The following RBMS3 variants were observed in gnomAD, a reference collection of about 807,000 sequenced individuals.
The protein encoded by RBMS3 is RNA binding motif single stranded interacting protein 3, also known as RNA-binding motif, single-stranded-interacting protein 3.
A neutral mutation model predicts 66.8 loss-of-function variants in RBMS3; 27 were observed. The ratio of observed to expected loss-of-function variants is 0.40; its 90% CI spans 0.30 to 0.56. The LOEUF (loss-of-function observed/expected upper bound fraction) is 0.56. Among genes scored for constraint, RBMS3 ranks in the 20% least tolerant of loss-of-function variants. The pLI is 0.40. For missense variants in RBMS3, 513 were observed against 549.5 expected (o/e 0.93, Z 0.66); for synonymous variants, 188 against 183.0 (o/e 1.03, Z -0.22).
chr3:29,537,079 T>G (rs2149003762), intron 3 of RBMS3, among the ~76,000 whole-genome samples: 1 of 152,330 alleles, frequency 6.6e-6, no homozygotes, highest in South Asian at 2.1e-4. Flanking sequence ...ATTTCCAAAC[T>G]GATTTTTTCA....
Position 29,580,560 on chromosome 3 carries a change from A to G in RBMS3, c.308-6554A>G, listed in dbSNP as rs200721564. On this transcript the variant is annotated intron_variant, in intron 3 of 14. Coordinates refer to ENST00000383767, the MANE Select transcript of RBMS3 (RefSeq NM_001003793.3). ...CATAAACTCCACTGCATTTAAATTTATTTATCAACTCTACTAGACAATAAA... is the reference window on the plus strand; with the variant it reads ...CATAAACTCCACTGCATTTAAATTTGTTTATCAACTCTACTAGACAATAAA... Among the ~76,000 whole-genome samples the G allele has an allele frequency of 5.9e-5, 9 of 152,052 alleles. No individual in the cohort carries two copies. The East Asian group carries it at 1.5e-3, about 26-fold the overall frequency.
chr3:29,400,933 G>T (rs1216303372), intron 1 of RBMS3, among the ~76,000 whole-genome samples: 2 of 151,836 alleles, frequency 1.3e-5, no homozygotes, highest in Non-Finnish European at 2.9e-5. Context: ...GAGAATAAAA[G>T]AATATTGAGG....
chr3:29,407,832 G>A (rs1286724199), intron 1 of RBMS3, among the ~76,000 whole-genome samples: 2 of 152,058 alleles, frequency 1.3e-5, no homozygotes, highest in Non-Finnish European at 2.9e-5. Context: ...TAATATTTTT[G>A]TGCATAAATA....
At position 29,355,751 on chromosome 3, in the gene RBMS3, T is replaced by C. The variant is rs796841045; in HGVS notation, c.75+73995T>C. Among the ~76,000 whole-genome samples the C allele has an allele frequency of 1.4e-4, 22 of 152,240 alleles. 1 individual carries two copies. The highest frequency in any genetic ancestry group is 5.1e-4 in the African/African-American group (21 of 41,568). ...CATTGAGTGTATAGTACTTCCTTTT[T>C]TTCCCCCACAAAGAAAAAATCATAG... is the stretch of plus-strand genomic sequence containing the variant. On this transcript the variant is annotated intron_variant, in intron 1 of 14. Coordinates refer to ENST00000383767, the MANE Select transcript of RBMS3 (RefSeq NM_001003793.3).
At position 29,521,213 on chromosome 3, in the gene RBMS3, G is replaced by T. The variant is rs548235354; in HGVS notation, c.307+32714G>T. On this transcript the variant is annotated intron_variant, in intron 3 of 14. Transcript: ENST00000383767. ...CCCAGAAAAGCTTCATGATGGCAAA[G>T]TTGTTCACTGCAGTATCTTCATAAC... Among the ~76,000 whole-genome samples, 17 of 152,188 alleles carry T rather than the reference G, an allele frequency of 1.1e-4. No homozygotes were observed. The East Asian group carries it at 2.9e-3, about 26-fold the overall frequency.
intron 4 of RBMS3, among the ~76,000 whole-genome samples, chr3:29,645,035 A>G (rs553444161): frequency 6.6e-6 from 1 of 152,354 alleles, no homozygotes; most frequent in East Asian, 1.9e-4. Context: ...ATGGTATAGC[A>G]AAGACTTTTA....
At chr3:29,349,602 T>C (rs2036783651) in intron 1 of RBMS3, among the ~76,000 whole-genome samples, 1 of 152,210 alleles carries the variant, frequency 6.6e-6, no homozygotes. Context: ...CTTCCTGGTT[T>C]CATTGGTTTG....
chr3:29,318,313 T>A (rs1045710045), intron 1 of RBMS3, among the ~76,000 whole-genome samples: 2 of 151,878 alleles, frequency 1.3e-5, no homozygotes, highest in African/African-American at 4.8e-5. Flanking sequence ...AGAAATGTAG[T>A]GACTGAGGTA....
intron 6 of RBMS3, among the ~76,000 whole-genome samples, chr3:29,801,242 T>C (rs1406765520): frequency 3.3e-5 from 5 of 151,172 alleles, no homozygotes; most frequent in African/African-American, 1.2e-4. Context: ...ATGTTACTAG[T>C]ACCAAACTTG....
intron 1 of RBMS3, among the ~76,000 whole-genome samples, chr3:29,324,462 C>T (rs2035196515): frequency 6.6e-6 from 1 of 152,184 alleles, no homozygotes; most frequent in Admixed American, 6.5e-5. Context: ...AACACGTGGC[C>T]TCCGCCTGGA....
At chr3:29,634,442 G>A (rs1366116942) in intron 4 of RBMS3, among the ~76,000 whole-genome samples, 1 of 151,730 alleles carries the variant, frequency 6.6e-6, no homozygotes, top group Non-Finnish European at 1.5e-5. Flanking sequence ...ATAGCTGGTT[G>A]CGAACATGGG....
At position 29,868,842 on chromosome 3, in the gene RBMS3, TTTC is replaced by T. The variant is rs967460325; in HGVS notation, c.638-13_638-11del. ...GGGGGAGTTGTTAATGTAGAATTGGTTTCTTATCTTCCCAGCCCCCAGTGAGCC... is the reference window on the plus strand; with the variant it reads ...GGGGGAGTTGTTAATGTAGAATTGGTTTATCTTCCCAGCCCCCAGTGAGCC... On this transcript the variant is annotated splice_polypyrimidine_tract_variant and intron_variant, in intron 6 of 14. Transcript: ENST00000383767. The T allele has an allele frequency of 3.8e-6, 6 of 1,575,810 alleles. No individual in the cohort carries two copies. In the African/African-American group the frequency reaches 6.7e-5, roughly 18 times the overall value.
chr3:29,815,958 AAAAG>A (rs1051636986), intron 6 of RBMS3, among the ~76,000 whole-genome samples: 1 of 151,454 alleles, frequency 6.6e-6, no homozygotes, highest in Non-Finnish European at 1.5e-5. Context: ...AAGGAAAAAA[AAAAG>A]AAGAGAGGGT....
rs766229633 is a variant in RBMS3, at chr3:29,281,632, C to T, written c.-50C>T. On this transcript the variant is annotated 5_prime_UTR_variant, in exon 1 of 15. Coordinates refer to ENST00000383767, the MANE Select transcript of RBMS3 (RefSeq NM_001003793.3). ...TTAAGAGGAAGCTCGGCCTGGGGCA[C>T]TATACCCTGTCATCCAGTTCCCTGC... 1 of 1,512,020 alleles carries T rather than the reference C, an allele frequency of 6.6e-7. No individual in the cohort carries two copies. The allele number at this position is 1,512,020 out of a possible 1,614,324, so 93.7% of individuals were successfully genotyped here. A position where few individuals can be genotyped will look rare whatever the true frequency, so the allele number is the denominator to read the frequency against.
chr3:29,671,550 A>G (rs577361450), intron 4 of RBMS3, among the ~76,000 whole-genome samples: 1 of 152,346 alleles, frequency 6.6e-6, no homozygotes, highest in South Asian at 2.1e-4. Flanking sequence ...GATTAGACGA[A>G]TGGCTAACTA....
intron 1 of RBMS3, among the ~76,000 whole-genome samples, chr3:29,331,002 T>C (rs2035619420): frequency 6.6e-6 from 1 of 152,172 alleles, no homozygotes. Context: ...TGCACTGATT[T>C]AGGGGCTATG....
At chr3:29,863,227 G>C (rs1367516624) in intron 6 of RBMS3, among the ~76,000 whole-genome samples, 1 of 150,708 alleles carries the variant, frequency 6.6e-6, no homozygotes, top group Non-Finnish European at 1.5e-5. Flanking sequence ...TGGGGTGGGG[G>C]GAGAGGGGGA....
intron 2 of RBMS3, among the ~76,000 whole-genome samples, chr3:29,463,350 A>G (rs2042431430): frequency 1.3e-5 from 2 of 152,230 alleles, no homozygotes. Flanking sequence ...AATACCATTC[A>G]AACATTTGGT....
chr3:29,286,538 C>T (rs969849457), intron 1 of RBMS3, among the ~76,000 whole-genome samples: 1 of 152,020 alleles, frequency 6.6e-6, no homozygotes, highest in Non-Finnish European at 1.5e-5. Flanking sequence ...ATTTTCCTTT[C>T]ACTTTCTTTC....
Sources: gnomAD v4.1 joint callset for allele counts (sites outside exome capture counted in the v4.1 genomes callset) on GRCh38, gnomAD v4.1.1 for gene constraint, MANE v1.5 for transcripts, NCBI Gene and HGNC (gene_info 2026-07-23, HGNC 2026-07-21) for gene names.